Variants in SNRPN observed in about 807,000 individuals in gnomAD.
The protein encoded by SNRPN is small nuclear ribonucleoprotein-associated protein N.
In SNRPN, 7 loss-of-function variants were observed where a neutral mutation model predicts 25.2. The ratio of observed to expected loss-of-function variants is 0.28; its 90% confidence interval spans 0.16 to 0.52. The LOEUF (loss-of-function observed/expected upper bound fraction) is 0.52. Among genes scored for constraint, SNRPN ranks in the 20% least tolerant of loss-of-function variants. The pLI is 0.96. For missense variants in SNRPN, 196 were observed against 322.5 expected, an observed-to-expected ratio of 0.61 and a Z score of 3.00; for synonymous variants, 124 against 110.6, an observed-to-expected ratio of 1.12 and a Z score of -0.76.
chr15:24,973,967 A>G (rs2076771031), intron 3 of SNRPN, among the ~76,000 whole-genome samples: 2 of 152,254 alleles, frequency 1.3e-5, no homozygotes, highest in South Asian at 4.1e-4. Flanking sequence ...AGATGTTGAT[A>G]CAGAGATGAC....
intron 3 of SNRPN, among the ~76,000 whole-genome samples, chr15:24,942,633 A>G (rs2061623409): frequency 6.6e-6 from 1 of 152,212 alleles, no homozygotes; most frequent in Non-Finnish European, 1.5e-5. Flanking sequence ...GTGTAAGCAA[A>G]TCTGTATCCA....
At chr15:24,933,428 G>A (rs1471046917) in intron 3 of SNRPN, among the ~76,000 whole-genome samples, 1 of 152,064 alleles carries the variant, frequency 6.6e-6, no homozygotes, top group Admixed American at 6.6e-5. Flanking sequence ...AGAGGAGAGA[G>A]GCTGGGAGGG....
At chr15:24,978,110 TTTC>T (rs774718146) in intron 8 of SNRPN, 80 bp from the exon 9 acceptor site, 72 of 1,430,184 alleles carry the variant, frequency 5.0e-5, no homozygotes, top group Non-Finnish European at 6.2e-5. Flanking sequence ...GTCTGGCCCA[TTTC>T]TTTAGGGATT....
At position 24,978,423 on chromosome 15, in the gene SNRPN, A is replaced by T; in HGVS notation, c.702A>T (p.Gly234=). 1 of 1,613,912 alleles carries T rather than the reference A, an allele frequency of 6.2e-7. No homozygotes were observed. Among genetic ancestry groups the T allele is most frequent in the Non-Finnish European group, 8.5e-7 (1 of 1,179,976 alleles). ...PPGIRGPPPP[G]MRPPRP is the part of the protein sequence containing the mutation. ...CCTTTCCAGGTCCACCTCCCCCAGGAATGCGTCCACCAAGACCTTAGCATA... is the reference window on the plus strand; with the variant it reads ...CCTTTCCAGGTCCACCTCCCCCAGGTATGCGTCCACCAAGACCTTAGCATA... The change falls in exon 10 of 10, where the codon GGA becomes GGT. Residue 234 remains glycine (G), a synonymous_variant. Coordinates refer to ENST00000390687, the MANE Select transcript of SNRPN (RefSeq NM_003097.6).
intron 1 of SNRPN, among the ~76,000 whole-genome samples, chr15:24,864,387 A>G (rs1886779419): frequency 7.4e-6 from 1 of 134,932 alleles, no homozygotes; most frequent in Non-Finnish European, 1.5e-5. Context: ...TTTGTCACAC[A>G]GGCTAGAATA....
chr15:24,932,670 A>G (rs1039088362), intron 3 of SNRPN, among the ~76,000 whole-genome samples: 1 of 149,790 alleles, frequency 6.7e-6, no homozygotes, highest in Non-Finnish European at 1.5e-5. Context: ...TTCCTTTGAG[A>G]CAGAGTTTCA....
At chr15:24,903,315 T>G (rs894466985) in intron 2 of SNRPN, among the ~76,000 whole-genome samples, 3 of 152,222 alleles carry the variant, frequency 2.0e-5, no homozygotes, top group African/African-American at 7.2e-5. Flanking sequence ...GATATGACTG[T>G]AAATTGAGAA....
chr15:24,884,148 C>CAAAAA (rs61039873), intron 1 of SNRPN, among the ~76,000 whole-genome samples: 4 of 104,874 alleles, frequency 3.8e-5, no homozygotes, highest in African/African-American at 1.2e-4. Context: ...CCTGCCTCTA[C>CAAAAA]AAAAAAAAAA....
In SNRPN at chr15:24,832,284, G is replaced by A. The variant is rs1343225769; in HGVS notation, c.-579+2379G>A. 1.2e-4 allele frequency among the ~76,000 whole-genome samples: 13 copies of A among 112,504 alleles called. 1 individual carries two copies. The East Asian group carries it at 4.5e-3, about 39-fold the overall frequency. The allele number at this position is 112,504 out of a possible 152,430, so 73.8% of individuals were successfully genotyped here. ...AGATTTCCAATATACAAGATATAAC[G>A]GGGACTTGTTTTTAGATCTACTCTG... On this transcript the variant is annotated intron_variant, in intron 2 of 12. Transcript: ENST00000400100.
At chr15:24,866,265 G>C (rs7173689) in intron 1 of SNRPN, among the ~76,000 whole-genome samples, 50,093 of 151,968 alleles carry the variant, frequency 0.33, 9,546 homozygotes, top group African/African-American at 0.5. Context: ...GATAAAATGA[G>C]ATGTATGTAC....
At chr15:24,877,790 TGTG>T (rs2056127406) in intron 1 of SNRPN, among the ~76,000 whole-genome samples, 1 of 152,118 alleles carries the variant, frequency 6.6e-6, no homozygotes, top group Non-Finnish European at 1.5e-5. Context: ...AGGAGGATGT[TGTG>T]GTAAGCCAAG....
intron 2 of SNRPN, chr15:24,849,859 T>G (rs79680858): frequency 2.0e-5 from 3 of 152,206 alleles, no homozygotes; most frequent in African/African-American, 7.2e-5. Context: ...TTTATACTTA[T>G]TGAAAAAATC....
intron 2 of SNRPN, among the ~76,000 whole-genome samples, chr15:24,839,632 C>A (rs748924164): frequency 1.3e-5 from 2 of 152,062 alleles, no homozygotes; most frequent in Non-Finnish European, 1.5e-5. Context: ...GTCCACTGGG[C>A]AAATTGCCAA....
chr15:24,830,964 A>G (rs957832948), intron 2 of SNRPN, among the ~76,000 whole-genome samples: 3 of 151,942 alleles, frequency 2.0e-5, no homozygotes, highest in Non-Finnish European at 4.4e-5. Flanking sequence ...GTTGAGTTCA[A>G]CTATGTCCTT....
chr15:24,865,271 T>A (rs1219574900), intron 1 of SNRPN, among the ~76,000 whole-genome samples: 2 of 152,134 alleles, frequency 1.3e-5, no homozygotes, highest in Non-Finnish European at 2.9e-5. Context: ...GGTCTTGAAC[T>A]CCTGACCTCA....
At chr15:24,967,827 AAG>A in intron 2 of SNRPN, 103 bp from the exon 3 acceptor site, 5 of 926,228 alleles carry the variant, frequency 5.4e-6, no homozygotes, top group Non-Finnish European at 8.2e-6. Context: ...AAAAAAAAAA[AAG>A]GAATATCTTC....
At chr15:24,875,354 C>G (rs747899539) in intron 1 of SNRPN, among the ~76,000 whole-genome samples, 6 of 152,162 alleles carry the variant, frequency 3.9e-5, no homozygotes, top group Non-Finnish European at 8.8e-5. Context: ...GTTAGAATAT[C>G]TTTTCTATGA....
At position 24,974,415 on chromosome 15, in the gene SNRPN, G is replaced by A. The variant is rs75184959; in HGVS notation, c.-39G>A. ...TCCCCTAGGTCTTCAGAAGCATCAAGTTTTAACTGTGGACATTGGATTTGG... is the reference window on the plus strand; with the variant it reads ...TCCCCTAGGTCTTCAGAAGCATCAAATTTTAACTGTGGACATTGGATTTGG... On this transcript the variant is annotated 5_prime_UTR_variant, in exon 4 of 10. Transcript: ENST00000390687. The A allele has an allele frequency of 3.2e-3, 5,176 of 1,610,546 alleles. 146 individuals carry two copies. In the African/African-American group the frequency reaches 0.06, roughly 19 times the overall value.
chr15:24,970,027 A>G (rs1175635245), intron 3 of SNRPN, among the ~76,000 whole-genome samples: 2 of 152,244 alleles, frequency 1.3e-5, no homozygotes. Context: ...GATTGAAAGA[A>G]GAAAACACCA....
Sources: allele counts gnomAD v4.1 joint callset (sites outside exome capture counted in the v4.1 genomes callset), GRCh38; gene constraint gnomAD v4.1.1; transcripts MANE v1.5; gene names NCBI Gene and HGNC (gene_info 2026-07-23, HGNC 2026-07-21).